The following EPN2 variants were observed in gnomAD, a reference collection of about 807,000 sequenced individuals.
EPN2 encodes epsin-2.
Under a neutral mutation model 61.7 loss-of-function variants are expected in EPN2, and 34 were observed. The ratio of observed to expected loss-of-function variants is 0.55; its 90% CI spans 0.42 to 0.73. The LOEUF (loss-of-function observed/expected upper bound fraction) is 0.73. Among genes scored for constraint, EPN2 ranks in the 30% least tolerant of loss-of-function variants. The probability of loss-of-function intolerance (pLI) is 0.00; values close to 1 mark genes in which losing one functional copy is unlikely to be tolerated. For synonymous variants in EPN2, 349 were observed against 353.6 expected (o/e 0.99, Z 0.15); for missense variants, 714 against 839.2 (o/e 0.85, Z 1.84).
chr17:19,309,906 C>T lies in EPN2; in HGVS notation c.788C>T (p.Ser263Phe). Residue 263 changes from serine to phenylalanine, a missense_variant, in exon 5 of 11, where the codon TCC becomes TTC. By Grantham distance (155) the Ser-to-Phe change is radical (BLOSUM62 -2). This residue lies in a region of EPN2 where 304 missense variants were observed against 417.4 expected (regional missense o/e 0.73). Transcript: ENST00000314728. ...ACAGCCACCTCCCCGCGAGTGTCCT[C>T]CGAGCTGGAGCAAGCCCGGCCCCAG... is the stretch of plus-strand genomic sequence containing the variant. ...AARATSPRVS[S>F]ELEQARPQTS... The T allele has an allele frequency of 1.2e-6, 2 of 1,608,448 alleles. No individual in the cohort carries two copies. Among genetic ancestry groups the T allele is most frequent in the Non-Finnish European group, 1.7e-6 (2 of 1,180,010 alleles).
intron 10 of EPN2, among the ~76,000 whole-genome samples, chr17:19,332,896 G>C (rs1223495228): frequency 6.6e-6 from 1 of 152,226 alleles, no homozygotes; most frequent in African/African-American, 2.4e-5. Flanking sequence ...TCAGCCCCAG[G>C]CTGGCCCCAC....
intron 1 of EPN2, among the ~76,000 whole-genome samples, chr17:19,238,616 T>A (rs1699623392): frequency 6.6e-6 from 1 of 152,194 alleles, no homozygotes; most frequent in African/African-American, 2.4e-5. Context: ...ACTGCAGTAA[T>A]TTGCCCAAGG....
chr17:19,245,701 C>T (rs1222918403), intron 1 of EPN2, among the ~76,000 whole-genome samples: 5 of 147,584 alleles, frequency 3.4e-5, no homozygotes, highest in African/African-American at 1.0e-4. Context: ...TTGCTCTTGT[C>T]GCCTAAGCTG....
In EPN2 at chr17:19,266,872, T is replaced by C. The variant is rs2152210361; in HGVS notation, c.-293-15083T>C. ...AAAGTAATAGAATACTGGTACATAA[T>C]GCAACACGGATGAACCTTGAAAACA... On this transcript the variant is annotated intron_variant, in intron 1 of 10. Transcript: ENST00000314728. 2.7e-5 allele frequency among the ~76,000 whole-genome samples: 4 copies of C among 150,558 alleles called. No individual in the cohort carries two copies. In the South Asian group the frequency reaches 8.5e-4, roughly 32 times the overall value.
At position 19,331,872 on chromosome 17, in the gene EPN2, G is replaced by A. The variant is rs774274462; in HGVS notation, c.1431G>A (p.Leu477=). Residue 477 remains leucine, a synonymous_variant, in exon 10 of 11, where the codon CTG becomes CTA. Coordinates refer to ENST00000314728, the MANE Select transcript of EPN2 (RefSeq NM_014964.5). ...SKKTAESVTS[L]PSQNNGTTSP... Reference sequence around the variant, plus strand: ...TTGTAGCCGAATCTGTGACCTCTCTGCCATCCCAAAACAATGGAACTACCA... The same window carrying A: ...TTGTAGCCGAATCTGTGACCTCTCTACCATCCCAAAACAATGGAACTACCA... 7 of 1,614,002 alleles carry A rather than the reference G, an allele frequency of 4.3e-6. No homozygotes were observed. The African/African-American group carries it at 8.0e-5, about 18-fold the overall frequency.
At chr17:19,267,880 C>T (rs955892648) in intron 1 of EPN2, among the ~76,000 whole-genome samples, 6 of 152,106 alleles carry the variant, frequency 3.9e-5, no homozygotes, top group Non-Finnish European at 7.4e-5. Flanking sequence ...GGCTAATTCC[C>T]GGGACAGTGC....
intron 8 of EPN2, chr17:19,329,320 G>C: frequency 2.1e-6 from 1 of 485,484 alleles, no homozygotes; most frequent in Non-Finnish European, 3.6e-6. Context: ...GGTGTTAGAA[G>C]CAGTAGCAGG....
chr17:19,319,632 CTTTTT>C (rs1194160621), intron 7 of EPN2, among the ~76,000 whole-genome samples: 1 of 147,758 alleles, frequency 6.8e-6, no homozygotes, highest in Non-Finnish European at 1.5e-5. Flanking sequence ...CGCCTGGCCC[CTTTTT>C]TTTTTATTTT....
intron 1 of EPN2, among the ~76,000 whole-genome samples, chr17:19,248,619 G>A (rs987222874): frequency 2.0e-5 from 3 of 152,160 alleles, no homozygotes; most frequent in African/African-American, 7.2e-5. Flanking sequence ...TGTAATATAT[G>A]GTATTTCAGT....
chr17:19,313,321 T>C, intron 7 of EPN2, 42 bp downstream of exon 7: 1 of 1,488,132 alleles, frequency 6.7e-7, no homozygotes, highest in Non-Finnish European at 9.0e-7. Flanking sequence ...GCCTGCTGGA[T>C]GGGTGAGGGG....
Position 19,283,340 on chromosome 17 carries a change from T to C in EPN2, c.221T>C (p.Val74Ala). The C allele has an allele frequency of 1.9e-6, 3 of 1,614,050 alleles. No homozygotes were observed. Among genetic ancestry groups the C allele is most frequent in the Non-Finnish European group, 2.5e-6 (3 of 1,179,952 alleles). Residue 74 changes from valine to alanine, a missense_variant, in exon 3 of 11, where the codon GTG becomes GCG. This residue lies in a region of EPN2 where 304 missense variants were observed against 417.4 expected (regional missense o/e 0.73). Coordinates refer to ENST00000314728, the MANE Select transcript of EPN2 (RefSeq NM_014964.5). This position sits in a 1 kb window ranked among gnomAD's most constrained non-coding sequence, Gnocchi z 7.0. Reference sequence around the variant, plus strand: ...GACCATGGCAAGAACTGGCGGCATGTGTACAAGGCGCTGACCCTGCTGGAC... The same window carrying C: ...GACCATGGCAAGAACTGGCGGCATGCGTACAAGGCGCTGACCCTGCTGGAC... ...LNDHGKNWRH[V>A]YKALTLLDYL...
At chr17:19,304,636 G>A (rs1207902607) in intron 4 of EPN2, among the ~76,000 whole-genome samples, 1 of 152,202 alleles carries the variant, frequency 6.6e-6, no homozygotes, top group East Asian at 1.9e-4. Context: ...AGAGCCAACT[G>A]CATCCCAGCA....
At chr17:19,281,735 G>A (rs924554897) in intron 1 of EPN2, among the ~76,000 whole-genome samples, 2 of 152,090 alleles carry the variant, frequency 1.3e-5, no homozygotes, top group African/African-American at 2.4e-5. Flanking sequence ...GTTTGAGGGT[G>A]GGGGGTGGAC....
intron 1 of EPN2, among the ~76,000 whole-genome samples, chr17:19,245,470 T>TGGCGGGATCTCAGCTCACTGCAGC (rs375651593): frequency 2.7e-5 from 4 of 145,710 alleles, no homozygotes; most frequent in Non-Finnish European, 3.0e-5. Flanking sequence ...TGGAGTGCAG[T>TGGCGGGATCTCAGCTCACTGCAGC]GGCGGGATCT....
rs148890530 is a variant in EPN2, at chr17:19,279,174, C to T, written c.-293-2781C>T. Among the ~76,000 whole-genome samples the T allele has an allele frequency of 3.2e-3, 484 of 152,286 alleles. 4 individuals are homozygous for T. Among genetic ancestry groups the T allele is most frequent in the African/African-American group, 1.0e-2 (415 of 41,558 alleles). The stretch of plus-strand genomic sequence containing the variant: ...GAAAGCCCCTGCCTTGGTCAACAGC[C>T]CCTGTTTCTTAATTGTTTGGAGTTC... On this transcript the variant is annotated intron_variant, in intron 1 of 10. Coordinates refer to ENST00000314728, the MANE Select transcript of EPN2 (RefSeq NM_014964.5).
intron 7 of EPN2, among the ~76,000 whole-genome samples, chr17:19,314,143 G>A (rs1036634222): frequency 3.3e-5 from 5 of 152,166 alleles, no homozygotes; most frequent in Non-Finnish European, 5.9e-5. Context: ...GTGTTCTGCT[G>A]TGCATGACCC....
At chr17:19,282,499 G>C (rs929708094) in intron 2 of EPN2, 1 of 152,114 alleles carries the variant, frequency 6.6e-6, no homozygotes, top group Non-Finnish European at 1.5e-5. Flanking sequence ...TAGAGATGGG[G>C]GTATTGCTGT....
chr17:19,274,133 A>T (rs943727669), intron 1 of EPN2: 5 of 152,332 alleles, frequency 3.3e-5, no homozygotes, highest in African/African-American at 1.2e-4. Flanking sequence ...AGTATTGCAC[A>T]CATTCAGGTG....
intron 1 of EPN2, among the ~76,000 whole-genome samples, chr17:19,240,390 C>T (rs1441158357): frequency 1.3e-5 from 2 of 152,122 alleles, no homozygotes; most frequent in East Asian, 1.9e-4. Context: ...GGACTACAGG[C>T]GTGTGCCACC....
Sources: gnomAD v4.1 joint callset for allele counts (sites outside exome capture counted in the v4.1 genomes callset) on GRCh38, gnomAD v4.1.1 for gene constraint, gnomAD v4.1.1 regional missense constraint, Gnocchi (gnomAD v3.1) non-coding constraint, MANE v1.5 for transcripts, NCBI Gene and HGNC (gene_info 2026-07-23, HGNC 2026-07-21) for gene names.